The following IDO2 variants were observed in gnomAD, a reference collection of about 807,000 sequenced individuals.
The protein encoded by IDO2 is indoleamine 2,3-dioxygenase 2.
IDO2 carries 46 observed loss-of-function variants against 45.1 expected under a neutral mutation model. The ratio of observed to expected loss-of-function variants is 1.02; its 90% CI spans 0.80 to 1.30. The LOEUF is 1.30. Among genes scored for constraint, IDO2 ranks in the 50% most tolerant of loss-of-function variants. The pLI is 0.00. For synonymous variants in IDO2, 218 were observed against 184.9 expected (o/e 1.18, Z -1.45); for missense variants, 544 against 491.8 (o/e 1.11, Z -1.00).
chr8:39,988,711 C>T (rs189143491), intron 7 of IDO2, among the ~76,000 whole-genome samples: 2 of 152,262 alleles, frequency 1.3e-5, no homozygotes, highest in East Asian at 3.9e-4. Flanking sequence ...GCCACCCTGC[C>T]CAGCCAACAC....
intron 8 of IDO2, among the ~76,000 whole-genome samples, chr8:40,000,480 C>A (rs954220523): frequency 2.0e-5 from 3 of 151,814 alleles, no homozygotes; most frequent in Non-Finnish European, 4.4e-5. Context: ...GGGTTTTGAA[C>A]CTTGTCTAAA....
intron 1 of IDO2, among the ~76,000 whole-genome samples, chr8:39,943,700 T>G (rs1305163566): frequency 7.4e-6 from 1 of 135,998 alleles, no homozygotes; most frequent in Non-Finnish European, 1.5e-5. Flanking sequence ...ATCGCGCCAC[T>G]GCACTCCAGC....
At chr8:39,948,395 G>A (rs932944754) in intron 1 of IDO2, among the ~76,000 whole-genome samples, 2 of 152,134 alleles carry the variant, frequency 1.3e-5, no homozygotes, top group Admixed American at 1.3e-4. Flanking sequence ...AGTGGTTGTG[G>A]TTTATCAAAC....
At chr8:39,991,646 C>CT (rs943630837) in intron 8 of IDO2, among the ~76,000 whole-genome samples, 1 of 147,690 alleles carries the variant, frequency 6.8e-6, no homozygotes, top group Non-Finnish European at 1.5e-5. Flanking sequence ...TCTTGGCTCA[C>CT]TGCAAGCTCT....
chr8:39,943,888 A>T (rs1489898292), intron 1 of IDO2, among the ~76,000 whole-genome samples: 2 of 152,170 alleles, frequency 1.3e-5, no homozygotes, highest in African/African-American at 4.8e-5. Flanking sequence ...TAGCCAGAGC[A>T]ATCAAACAGG....
chr8:40,008,518 C>T (rs912530920), intron 9 of IDO2, among the ~76,000 whole-genome samples: 8 of 152,182 alleles, frequency 5.3e-5, no homozygotes, highest in Non-Finnish European at 1.2e-4. Flanking sequence ...ACCTTAATTA[C>T]ACCTGCAAAG....
At chr8:39,967,510 C>CA (rs111932706) in intron 3 of IDO2, among the ~76,000 whole-genome samples, 7 of 151,806 alleles carry the variant, frequency 4.6e-5, no homozygotes, top group Non-Finnish European at 8.8e-5. Context: ...TTTTTTGAGA[C>CA]AGAGTTTCAC....
intron 3 of IDO2, among the ~76,000 whole-genome samples, chr8:39,970,048 G>T (rs988279901): frequency 2.6e-5 from 4 of 152,174 alleles, no homozygotes; most frequent in Non-Finnish European, 5.9e-5. Context: ...ACATACGAAT[G>T]ATAAGAAAGC....
At chr8:39,983,947 G>A (rs1284385730) in intron 5 of IDO2, among the ~76,000 whole-genome samples, 1 of 151,938 alleles carries the variant, frequency 6.6e-6, no homozygotes, top group Non-Finnish European at 1.5e-5. Context: ...GGAGTTTTAT[G>A]TTTTCTGCAA....
At chr8:39,997,507 C>CA (rs71552852) in intron 8 of IDO2, among the ~76,000 whole-genome samples, 69,528 of 151,360 alleles carry the variant, frequency 0.46, 16,634 homozygotes, top group South Asian at 0.54. Context: ...CCCATCTCTA[C>CA]AAAAAAATAC....
chr8:39,946,716 T>C (rs1381092350), intron 1 of IDO2, among the ~76,000 whole-genome samples: 1 of 152,200 alleles, frequency 6.6e-6, no homozygotes, highest in Non-Finnish European at 1.5e-5. Flanking sequence ...TCTTCATGAA[T>C]TACTCTTTCT....
intron 8 of IDO2, among the ~76,000 whole-genome samples, chr8:40,000,470 G>A (rs1052546999): frequency 3.3e-5 from 5 of 151,668 alleles, no homozygotes; most frequent in Non-Finnish European, 4.4e-5. Context: ...TTGTTTTGTA[G>A]GGTTTTGAAC....
chr8:40,000,640 T>TGTTTGTTTGTTTTGA (rs80317010), intron 8 of IDO2, among the ~76,000 whole-genome samples: 69,678 of 151,766 alleles, frequency 0.46, 16,660 homozygotes, highest in South Asian at 0.54. Flanking sequence ...CACTTATTTC[T>TGTTTGTTTGTTTTGA]GTTTGTTTGT....
At position 40,015,453 on chromosome 8, in the gene IDO2, G is replaced by T. The variant is rs199835214; in HGVS notation, c.1075G>T (p.Ala359Ser). The T allele has an allele frequency of 5.8e-5, 93 of 1,613,860 alleles. No individual in the cohort carries two copies. The Middle Eastern group carries it at 6.6e-4, about 11-fold the overall frequency. Residue 359 changes from alanine to serine, a missense_variant, in exon 11 of 11, where the codon GCA becomes TCA. Ala to Ser is a moderately conservative substitution (Grantham distance 99). Transcript: ENST00000502986. The stretch of plus-strand genomic sequence containing the variant: ...GGTCACCAAATACCTCATCACAGCT[G>T]CAGCCAAGGCAAAGCATGGGAAGCC...
chr8:39,984,976 G>A (rs1426729263), intron 5 of IDO2: 1 of 415,142 alleles, frequency 2.4e-6, no homozygotes, highest in East Asian at 7.9e-5. Flanking sequence ...CTGTCTCCCA[G>A]GCTGGAGTGC....
At chr8:39,946,010 C>T (rs1479138274) in intron 1 of IDO2, among the ~76,000 whole-genome samples, 1 of 152,182 alleles carries the variant, frequency 6.6e-6, no homozygotes, top group Non-Finnish European at 1.5e-5. Flanking sequence ...ACTAGACTGC[C>T]TTTAGTGGGA....
intron 8 of IDO2, among the ~76,000 whole-genome samples, chr8:40,004,015 A>T (rs1161928922): frequency 6.6e-6 from 1 of 152,190 alleles, no homozygotes; most frequent in Non-Finnish European, 1.5e-5. Context: ...TGAAATGGTC[A>T]TTTCACTTTT....
intron 9 of IDO2, among the ~76,000 whole-genome samples, chr8:40,012,826 C>T (rs560952339): frequency 3.5e-4 from 54 of 152,218 alleles, no homozygotes; most frequent in Middle Eastern, 3.4e-3. Flanking sequence ...CCAGTCCCAG[C>T]CTTTCTGCAT....
chr8:39,969,417 T>G (rs1808147098), intron 3 of IDO2, among the ~76,000 whole-genome samples: 1 of 152,232 alleles, frequency 6.6e-6, no homozygotes, highest in Non-Finnish European at 1.5e-5. Context: ...TAAATGTATG[T>G]GTTCTGACTG....
Sources: gnomAD v4.1 joint callset for allele counts (sites outside exome capture counted in the v4.1 genomes callset) on GRCh38, gnomAD v4.1.1 for gene constraint, MANE v1.5 for transcripts, NCBI Gene and HGNC (gene_info 2026-07-23, HGNC 2026-07-21) for gene names.